Variants in RUFY1 observed in about 807,000 individuals in gnomAD.
The protein encoded by RUFY1 is RUN and FYVE domain containing 1, also known as RUN and FYVE domain-containing protein 1.
A neutral mutation model predicts 94.6 loss-of-function variants in RUFY1; 54 were observed. The ratio of observed to expected loss-of-function variants is 0.57; its 90% CI spans 0.46 to 0.72. The LOEUF (loss-of-function observed/expected upper bound fraction) is 0.72. Among genes scored for constraint, RUFY1 ranks in the 30% least tolerant of loss-of-function variants. The pLI is 0.00. For synonymous variants in RUFY1, 396 were observed against 347.3 expected, an observed-to-expected ratio of 1.14 and a Z score of -1.56; for missense variants, 883 against 883.9, an observed-to-expected ratio of 1.00 and a Z score of 0.01.
rs756183105 is a variant in RUFY1 at position 179,593,476 on chromosome 5, A to C, written c.1246-2A>C. The C allele has an allele frequency of 6.3e-7, 1 of 1,585,258 alleles. No homozygotes were observed. Among genetic ancestry groups the C allele is most frequent in the South Asian group, 1.1e-5 (1 of 90,436 alleles). On this transcript the variant is annotated splice_acceptor_variant, in intron 10 of 17. Transcript: ENST00000319449. LOFTEE classifies it high-confidence loss of function. ...CATTTTCCTTGTAAATATCCTTTTA[A>C]GGAACTGGAAAAAGAACTGGAGTTA...
At chr5:179,578,392 T>A (rs962479096) in intron 6 of RUFY1, among the ~76,000 whole-genome samples, 1 of 151,880 alleles carries the variant, frequency 6.6e-6, no homozygotes, top group Non-Finnish European at 1.5e-5. Flanking sequence ...TTTTTTTTTT[T>A]ATTTTTAGTA....
intron 10 of RUFY1, 50 bp from the exon 11 acceptor site, chr5:179,593,428 A>C (rs1467317424): frequency 6.4e-7 from 1 of 1,565,824 alleles, no homozygotes; most frequent in South Asian, 1.1e-5. Context: ...AGTTAAATAC[A>C]TTTCTGTGAT....
intron 6 of RUFY1, among the ~76,000 whole-genome samples, chr5:179,578,886 C>T (rs896425184): frequency 7.2e-5 from 11 of 152,038 alleles, no homozygotes; most frequent in African/African-American, 1.4e-4. Context: ...TCAGATGATC[C>T]GCCTGCCTCA....
intron 15 of RUFY1, among the ~76,000 whole-genome samples, chr5:179,604,006 G>A (rs1003569462): frequency 5.9e-5 from 9 of 152,312 alleles, no homozygotes; most frequent in African/African-American, 1.2e-4. Context: ...GCGGTGAGCC[G>A]AGATCGCGCC....
At chr5:179,551,008 G>A (rs1342721405) in intron 1 of RUFY1, 129 bp downstream of exon 1, 7 of 813,172 alleles carry the variant, frequency 8.6e-6, no homozygotes, top group Non-Finnish European at 1.0e-5. Flanking sequence ...GTTGGCGGGC[G>A]GGCGGCGCCT....
chr5:179,552,164 C>CAAAAAAAAAAAAA lies in RUFY1; in HGVS notation c.310+1296_310+1308dup, dbSNP rs563730431. On this transcript the variant is annotated intron_variant, in intron 1 of 17. Transcript: ENST00000319449. ...TGGGTGACAGAGCGAGACTCTGTCT[C>CAAAAAAAAAAAAA]AAAAAAAAAAAAAAAAAAAAAAACT... Among the ~76,000 whole-genome samples, 3 of 73,454 alleles carry CAAAAAAAAAAAAA rather than the reference C, an allele frequency of 4.1e-5. 1 individual carries two copies. The highest frequency in any genetic ancestry group is 5.0e-4 in the East Asian group (1 of 1,986). 48.2% of individuals were successfully genotyped at this position (73,454 alleles called of 152,430 possible). A position where few individuals can be genotyped will look rare whatever the true frequency, so the allele number is the denominator to read the frequency against.
In RUFY1 at chr5:179,607,653, G is replaced by A; in HGVS notation, c.1977G>A (p.Arg659=). 1 of 1,613,998 alleles carries A rather than the reference G, an allele frequency of 6.2e-7. No homozygotes were observed. Among genetic ancestry groups the A allele is most frequent in the Non-Finnish European group, 8.5e-7 (1 of 1,179,902 alleles). Residue 659 remains arginine, a synonymous_variant, in exon 17 of 18, where the codon CGG becomes CGA. Transcript: ENST00000319449. ...GTGAGAAGGAGTTCTCCATTTCCCG[G>A]AGAAAGGTACGTGGGGGCTCCACCC... The part of the protein sequence containing the change: ...RQCEKEFSIS[R]RKHHCRNCGH...
At chr5:179,551,513 A>G (rs1272340914) in intron 1 of RUFY1, among the ~76,000 whole-genome samples, 1 of 151,636 alleles carries the variant, frequency 6.6e-6, no homozygotes, top group African/African-American at 2.4e-5. Flanking sequence ...TTTTTTTGAG[A>G]CCGGGTCTTG....
intron 1 of RUFY1, among the ~76,000 whole-genome samples, chr5:179,554,267 T>TG (rs1407508518): frequency 6.6e-6 from 1 of 152,244 alleles, no homozygotes; most frequent in Non-Finnish European, 1.5e-5. Flanking sequence ...TCGGGTGCAG[T>TG]GGCTCATGCC....
intron 4 of RUFY1, 88 bp from the exon 5 acceptor site, chr5:179,569,214 A>G: frequency 1.9e-6 from 3 of 1,601,886 alleles, no homozygotes; most frequent in Non-Finnish European, 2.6e-6. Flanking sequence ...GCTCCAGGGC[A>G]CAGGTGAAAA....
At chr5:179,586,952 G>A (rs1179084451) in intron 8 of RUFY1, among the ~76,000 whole-genome samples, 6 of 152,210 alleles carry the variant, frequency 3.9e-5, no homozygotes, top group Non-Finnish European at 5.9e-5. Context: ...GGGAGCACTC[G>A]AGTTGTTTGA....
chr5:179,605,783 C>A, intron 15 of RUFY1, 93 bp from the exon 16 acceptor site: 1 of 846,014 alleles, frequency 1.2e-6, no homozygotes, highest in Non-Finnish European at 2.0e-6. Context: ...AGTCCGGTAT[C>A]CTCACAAAGC....
chr5:179,591,314 A>C (rs1299154264), intron 9 of RUFY1, among the ~76,000 whole-genome samples: 1 of 151,662 alleles, frequency 6.6e-6, no homozygotes, highest in Non-Finnish European at 1.5e-5. Context: ...CCTCCCAAGT[A>C]GCTGGGACTA....
intron 1 of RUFY1, among the ~76,000 whole-genome samples, chr5:179,557,156 C>T (rs943732295): frequency 1.3e-5 from 2 of 152,068 alleles, no homozygotes; most frequent in African/African-American, 2.4e-5. Context: ...GAGCCAGGCA[C>T]GGTGGCTCAT....
intron 10 of RUFY1, 77 bp downstream of exon 10, chr5:179,591,818 G>T: frequency 1.1e-6 from 1 of 878,634 alleles, no homozygotes. Context: ...TCATAGACAT[G>T]CTTCACCATC....
chr5:179,561,700 T>TTTTTTTTTTTTTTTTTTG (rs764059834), intron 2 of RUFY1, among the ~76,000 whole-genome samples: 2 of 95,538 alleles, frequency 2.1e-5, no homozygotes, highest in African/African-American at 4.3e-5. Flanking sequence ...TTTTTTTTTT[T>TTTTTTTTTTTTTTTTTTG]TTTGAAGAGT....
chr5:179,586,179 G>C (rs1472160702), intron 8 of RUFY1, among the ~76,000 whole-genome samples: 3 of 152,122 alleles, frequency 2.0e-5, no homozygotes, highest in African/African-American at 7.2e-5. Flanking sequence ...CTCTTTTTCT[G>C]CCCTTCCCAT....
At chr5:179,596,889 C>T (rs1423819715) in intron 13 of RUFY1, 8 of 569,162 alleles carry the variant, frequency 1.4e-5, no homozygotes, top group East Asian at 9.7e-5. Context: ...TGGTCCAGCT[C>T]GCCTCCAGAA....
chr5:179,583,825 C>T (rs906778776), intron 7 of RUFY1, among the ~76,000 whole-genome samples: 5 of 151,980 alleles, frequency 3.3e-5, no homozygotes, highest in African/African-American at 9.7e-5. Context: ...TCTCCGCTCA[C>T]TGCAAGCTTC....
Sources: gnomAD v4.1 joint callset for allele counts (sites outside exome capture counted in the v4.1 genomes callset) on GRCh38, gnomAD v4.1.1 for gene constraint, MANE v1.5 for transcripts, NCBI Gene and HGNC (gene_info 2026-07-23, HGNC 2026-07-21) for gene names.